SPMIP2: variants seen among roughly 807,000 people sequenced by gnomAD.
SPMIP2 encodes protein SPMIP2.
At chr4:159,068,463 G>A in the SPMIP2 span, among the ~76,000 whole-genome samples, 1 of 142,630 alleles carries the variant, frequency 7.0e-6, no homozygotes, top group Non-Finnish European at 1.5e-5. Flanking sequence ...TGAACAATGA[G>A]AACACATGGA....
the SPMIP2 span, among the ~76,000 whole-genome samples, chr4:159,055,208 C>T: frequency 6.6e-6 from 1 of 152,152 alleles, no homozygotes; most frequent in South Asian, 2.1e-4. Flanking sequence ...ATGTATTGAA[C>T]CTCTACTGTC....
the SPMIP2 span, among the ~76,000 whole-genome samples, chr4:159,020,795 TCTGTTGCCCAGGCTGGAGTGCAGTGG>T: frequency 6.6e-6 from 1 of 152,172 alleles, no homozygotes; most frequent in Non-Finnish European, 1.5e-5. Flanking sequence ...GGTGTCTCAC[TCTGTTGCCCAGGCTGGAGTGCAGTGG>T]CGCTATCTCG....
the SPMIP2 span, among the ~76,000 whole-genome samples, chr4:158,903,373 C>T: frequency 1.3e-5 from 2 of 152,310 alleles, no homozygotes; most frequent in Admixed American, 1.3e-4. Context: ...AATCACCCAC[C>T]TTCTGCGTCG....
chr4:159,075,821 C>T, the SPMIP2 span, among the ~76,000 whole-genome samples: 1 of 148,598 alleles, frequency 6.7e-6, no homozygotes, highest in Admixed American at 6.7e-5. Flanking sequence ...GAAAGCTCTT[C>T]AGTATTTTGT....
chr4:158,968,473 C>T, the SPMIP2 span, among the ~76,000 whole-genome samples: 3 of 152,116 alleles, frequency 2.0e-5, no homozygotes, highest in South Asian at 2.1e-4. Flanking sequence ...CCAGCCTGAC[C>T]CTGCCTTAGA....
the SPMIP2 span, among the ~76,000 whole-genome samples, chr4:158,976,454 C>T: frequency 6.6e-6 from 1 of 152,110 alleles, no homozygotes; most frequent in South Asian, 2.1e-4. Context: ...ATTTTGAATA[C>T]GTTTCATCAA....
chr4:158,937,077 C>A, the SPMIP2 span, among the ~76,000 whole-genome samples: 1 of 152,214 alleles, frequency 6.6e-6, no homozygotes, highest in Non-Finnish European at 1.5e-5. Context: ...GACGTATCAT[C>A]ATTGAGCTGA....
At chr4:159,059,883 G>A in the SPMIP2 span, among the ~76,000 whole-genome samples, 1 of 152,204 alleles carries the variant, frequency 6.6e-6, no homozygotes, top group East Asian at 1.9e-4. Flanking sequence ...CTTGGCTATA[G>A]GGGCTGACCT....
At chr4:158,953,477 G>T in the SPMIP2 span, among the ~76,000 whole-genome samples, 1 of 152,248 alleles carries the variant, frequency 6.6e-6, no homozygotes, top group Non-Finnish European at 1.5e-5. Flanking sequence ...TTCTGCAGGG[G>T]TGGGGTGCTC....
At chr4:159,019,002 A>G in the SPMIP2 span, among the ~76,000 whole-genome samples, 2 of 152,162 alleles carry the variant, frequency 1.3e-5, no homozygotes, top group African/African-American at 4.8e-5. Context: ...AGGCAGGAGA[A>G]TGGCGTGAAC....
chr4:158,937,613 A>G, the SPMIP2 span: 1 of 154,554 alleles, frequency 6.5e-6, no homozygotes, highest in South Asian at 2.0e-4. Context: ...GGCACTTAGC[A>G]GCCTTAAGGA....
the SPMIP2 span, among the ~76,000 whole-genome samples, chr4:159,025,372 C>A: frequency 6.6e-6 from 1 of 152,294 alleles, no homozygotes; most frequent in Admixed American, 6.5e-5. Context: ...ACCATGTTAG[C>A]CAGGCTGGTC....
the SPMIP2 span, chr4:158,909,352 GC>G: frequency 6.6e-6 from 1 of 151,668 alleles, no homozygotes; most frequent in Non-Finnish European, 1.5e-5. Context: ...TTTCCCTGAA[GC>G]TTTTTTTTTT....
chr4:159,046,231 GAA>G, the SPMIP2 span, among the ~76,000 whole-genome samples: 2 of 131,354 alleles, frequency 1.5e-5, no homozygotes, highest in Admixed American at 7.7e-5. Context: ...CCTGTCTCAA[GAA>G]AAAAAAAAAA....
At chr4:158,926,154 A>C in the SPMIP2 span, among the ~76,000 whole-genome samples, 1 of 152,170 alleles carries the variant, frequency 6.6e-6, no homozygotes, top group Non-Finnish European at 1.5e-5. Flanking sequence ...ATCAACTTTT[A>C]AAAAAATTTT....
the SPMIP2 span, among the ~76,000 whole-genome samples, chr4:159,043,992 C>A: frequency 1.3e-5 from 2 of 152,094 alleles, no homozygotes; most frequent in Admixed American, 6.6e-5. Context: ...TGGATTATAA[C>A]CAGGCTTATG....
At chr4:158,904,399 G>GAAAT in the SPMIP2 span, 1 of 1,373,166 alleles carries the variant, frequency 7.3e-7, no homozygotes, top group Admixed American at 1.7e-5. Flanking sequence ...CTCATAAAAA[G>GAAAT]AAATAATACT....
At chr4:158,950,214 C>G in the SPMIP2 span, among the ~76,000 whole-genome samples, 11 of 152,314 alleles carry the variant, frequency 7.2e-5, no homozygotes, top group African/African-American at 2.4e-4. Context: ...GTCATCATTT[C>G]TTTCTAGAAT....
the SPMIP2 span, among the ~76,000 whole-genome samples, chr4:158,983,005 G>A: frequency 3.3e-5 from 5 of 152,188 alleles, no homozygotes; most frequent in African/African-American, 7.2e-5. Context: ...CGAGAACTAT[G>A]TGAAGAATGC....
Sources: allele counts gnomAD v4.1 joint callset (sites outside exome capture counted in the v4.1 genomes callset), GRCh38; gene constraint gnomAD v4.1.1; transcripts MANE v1.5; gene names NCBI Gene and HGNC (gene_info 2026-07-23, HGNC 2026-07-21).